TRPM3: variants seen among roughly 807,000 people sequenced by gnomAD.
The protein encoded by TRPM3 is transient receptor potential cation channel subfamily M member 3.
A neutral mutation model predicts 181.2 loss-of-function variants in TRPM3; 77 were observed. That is an observed-to-expected ratio of 0.42 (90% CI 0.35 to 0.51). The LOEUF (loss-of-function observed/expected upper bound fraction) is 0.51. Among genes scored for constraint, TRPM3 ranks in the 20% least tolerant of loss-of-function variants. The pLI is 0.01. For synonymous variants in TRPM3, 745 were observed against 796.4 expected, an observed-to-expected ratio of 0.94 and a Z score of 1.09; for missense variants, 1,759 against 2,196.7, an observed-to-expected ratio of 0.80 and a Z score of 3.98.
At chr9:70,776,359 C>T in intron 7 of TRPM3, 1 of 663,876 alleles carries the variant, frequency 1.5e-6, no homozygotes, top group Non-Finnish European at 2.7e-6. Context: ...CCAATGCTGG[C>T]CCCTGGAACC....
chr9:71,064,504 C>T (rs1347854979), intron 1 of TRPM3, among the ~76,000 whole-genome samples: 1 of 151,500 alleles, frequency 6.6e-6, no homozygotes, highest in Non-Finnish European at 1.5e-5. Context: ...ATGATAAAGA[C>T]ATTTCCCCCT....
intron 1 of TRPM3, among the ~76,000 whole-genome samples, chr9:70,985,573 T>C (rs1235476911): frequency 1.3e-5 from 2 of 152,214 alleles, no homozygotes; most frequent in Non-Finnish European, 2.9e-5. Flanking sequence ...TATAATTAAA[T>C]GCTGTGTTTC....
intron 1 of TRPM3, among the ~76,000 whole-genome samples, chr9:71,354,064 T>C (rs1290638518): frequency 1.3e-5 from 2 of 152,196 alleles, no homozygotes; most frequent in Non-Finnish European, 2.9e-5. Context: ...GCTGTAACTG[T>C]AGCCCTTCTC....
rs376311186 is a variant in TRPM3, at chr9:71,086,256, A to T, written c.177+34922T>A. ...AAACTAACTATTGGGTCCTATGCTT[A>T]GTAGCTAGGTGATGGGATTATTAGT... On this transcript the variant is annotated intron_variant, in intron 1 of 25. Coordinates refer to ENST00000677713, the MANE Select transcript of TRPM3 (RefSeq NM_001366145.2). 2.9e-3 allele frequency among the ~76,000 whole-genome samples: 447 copies of T among 152,116 alleles called. 4 individuals carry two copies. Among genetic ancestry groups the T allele is most frequent in the African/African-American group, 0.01 (424 of 41,546 alleles).
At chr9:70,669,479 C>T (rs1169685619) in intron 9 of TRPM3, among the ~76,000 whole-genome samples, 1 of 152,140 alleles carries the variant, frequency 6.6e-6, no homozygotes, top group Non-Finnish European at 1.5e-5. Context: ...GGAGTCCAGG[C>T]CCCATTCTCT....
At chr9:71,362,174 G>A (rs7857907) in intron 1 of TRPM3, among the ~76,000 whole-genome samples, 1,968 of 152,288 alleles carry the variant, frequency 0.013, 39 homozygotes, top group African/African-American at 0.043. Flanking sequence ...TTCAGGCAGG[G>A]TTCCCCTATC....
At chr9:70,744,398 G>A (rs536427967) in intron 8 of TRPM3, among the ~76,000 whole-genome samples, 3 of 151,758 alleles carry the variant, frequency 2.0e-5, no homozygotes, top group African/African-American at 7.3e-5. Flanking sequence ...CTCTTCATTT[G>A]TATAGTCTTC....
intron 4 of TRPM3, among the ~76,000 whole-genome samples, chr9:70,845,885 CT>C: frequency 6.6e-6 from 1 of 152,290 alleles, no homozygotes; most frequent in South Asian, 2.1e-4. Context: ...TGAGATGTGT[CT>C]TCCATTGGCA....
intron 19 of TRPM3, among the ~76,000 whole-genome samples, chr9:70,609,533 T>TTTGA (rs545383168): frequency 1.0e-3 from 154 of 152,344 alleles, no homozygotes; most frequent in African/African-American, 3.4e-3. Context: ...CTGGAGACAT[T>TTTGA]TTGATTGTCA....
At chr9:71,418,535 T>C (rs1565553949) in intron 1 of TRPM3, among the ~76,000 whole-genome samples, 1 of 151,754 alleles carries the variant, frequency 6.6e-6, no homozygotes, top group Non-Finnish European at 1.5e-5. Flanking sequence ...GGGTACCTCA[T>C]TGCAGTCCTA....
rs571424953 is a variant in TRPM3 at position 71,436,254 on chromosome 9, T to C, written c.183+10399A>G. On this transcript the variant is annotated intron_variant, in intron 1 of 24. Transcript: ENST00000357533. ...CTTGATTCTGAGGCCTCCTCAGCCA[T>C]GTGGAACTGTAGGTCCGATTAAACC... Among the ~76,000 whole-genome samples, 15 of 151,776 alleles carry C rather than the reference T, an allele frequency of 9.9e-5. No individual in the cohort carries two copies. In the South Asian group the frequency reaches 3.1e-3, roughly 32 times the overall value.
chr9:70,691,853 C>G (rs1405226333), intron 8 of TRPM3, among the ~76,000 whole-genome samples: 1 of 152,150 alleles, frequency 6.6e-6, no homozygotes, highest in Non-Finnish European at 1.5e-5. Flanking sequence ...TTTTGGTATG[C>G]TTCCTTTTGC....
chr9:70,962,058 C>A (rs1354771514), intron 1 of TRPM3, among the ~76,000 whole-genome samples: 1 of 152,070 alleles, frequency 6.6e-6, no homozygotes. Flanking sequence ...CTAGAGAAGG[C>A]ACTAAAATTC....
intron 1 of TRPM3, among the ~76,000 whole-genome samples, chr9:71,175,573 G>T (rs34716106): frequency 6.6e-6 from 1 of 152,052 alleles, no homozygotes; most frequent in Non-Finnish European, 1.5e-5. Context: ...AGTGTGGATA[G>T]TGTCAGAGGG....
At chr9:70,539,186 G>C (rs941668380) in intron 25 of TRPM3, among the ~76,000 whole-genome samples, 3 of 152,210 alleles carry the variant, frequency 2.0e-5, no homozygotes, top group African/African-American at 7.2e-5. Flanking sequence ...CAGTCTGTGG[G>C]GGTGGTGGTG....
chr9:70,877,829 A>ACACACACACACACACACT (rs1196818421), intron 1 of TRPM3, among the ~76,000 whole-genome samples: 1 of 150,628 alleles, frequency 6.6e-6, no homozygotes, highest in Non-Finnish European at 1.5e-5. Context: ...ACACACACAC[A>ACACACACACACACACACT]CTCCCATGAA....
chr9:71,218,727 G>C (rs550974627), intron 1 of TRPM3, among the ~76,000 whole-genome samples: 2 of 152,146 alleles, frequency 1.3e-5, no homozygotes, highest in African/African-American at 2.4e-5. Context: ...ATTGCCTAAA[G>C]AGCAAAAATA....
chr9:71,121,396 G>A lies in TRPM3; in HGVS notation c.-42C>T, dbSNP rs750403198. On this transcript the variant is annotated 5_prime_UTR_variant, in exon 1 of 26. Transcript: ENST00000677713. ...CACCTGCAAATTCCATTAGGGCAGA[G>A]GCTTCCTGGAACTTGGAAGACTAGT... The A allele has an allele frequency of 6.3e-7, 1 of 1,597,642 alleles. No individual in the cohort carries two copies. The highest frequency in any genetic ancestry group is 1.1e-5 in the South Asian group (1 of 88,778).
intron 1 of TRPM3, among the ~76,000 whole-genome samples, chr9:71,103,830 C>T (rs117213016): frequency 0.015 from 2,349 of 152,194 alleles, 32 homozygotes; most frequent in Non-Finnish European, 0.021. Context: ...TTATGACAGA[C>T]TATGCCCTCT....
Sources: allele counts gnomAD v4.1 joint callset (sites outside exome capture counted in the v4.1 genomes callset), GRCh38; gene constraint gnomAD v4.1.1; transcripts MANE v1.5; gene names NCBI Gene and HGNC (gene_info 2026-07-23, HGNC 2026-07-21).